GDAP1: variants seen among roughly 807,000 people sequenced by gnomAD.
GDAP1 encodes ganglioside induced differentiation associated protein 1, also known as ganglioside-induced differentiation-associated protein 1.
Under a neutral mutation model 40.1 loss-of-function variants are expected in GDAP1, and 34 were observed. The observed-to-expected ratio is 0.85, with a 90% CI of 0.64 to 1.13. The LOEUF (loss-of-function observed/expected upper bound fraction) is 1.13, where lower values mean the gene tolerates loss of function less well. Among genes scored for constraint, GDAP1 ranks in the 50% most tolerant of loss-of-function variants. The probability of loss-of-function intolerance (pLI) is 0.00; values close to 1 mark genes in which losing one functional copy is unlikely to be tolerated. For missense variants in GDAP1, 374 were observed against 433.7 expected (o/e 0.86, Z 1.22); for synonymous variants, 170 against 157.4 (o/e 1.08, Z -0.60).
chr8:74,350,498 C>T lies in GDAP1; in HGVS notation c.37C>T (p.Pro13Ser), dbSNP rs1240725448. 1 of 1,613,480 alleles carries T rather than the reference C, an allele frequency of 6.2e-7. No homozygotes were observed. The highest frequency in any genetic ancestry group is 8.5e-7 in the Non-Finnish European group (1 of 1,179,560). The change falls in exon 1 of 6, where the codon CCC (proline) becomes TCC (serine). Residue 13 changes from proline to serine, a missense_variant. Transcript: ENST00000220822. Reference protein sequence around the residue: ...ERQEEQRGSPPLRAEGKADAE... With the variant: ...ERQEEQRGSPSLRAEGKADAE... ...GCAGGAAGAGCAGAGAGGGAGCCCG[C>T]CCTTGAGGGCGGAAGGCAAGGCCGA...
At chr8:74,416,909 T>C in intron 2 of GDAP1, among the ~76,000 whole-genome samples, 1 of 133,268 alleles carries the variant, frequency 7.5e-6, no homozygotes, top group East Asian at 2.2e-4. Flanking sequence ...AAAGTTTTTT[T>C]TTTTGTTTTT....
At chr8:74,363,685 T>C (rs1344057812) in intron 5 of GDAP1, among the ~76,000 whole-genome samples, 2 of 152,190 alleles carry the variant, frequency 1.3e-5, no homozygotes, top group Non-Finnish European at 2.9e-5. Context: ...GCTTGGAGGC[T>C]CCCAACCCCT....
At chr8:74,390,171 G>T (rs1179224642) in intron 2 of GDAP1, among the ~76,000 whole-genome samples, 2 of 152,144 alleles carry the variant, frequency 1.3e-5, no homozygotes, top group Non-Finnish European at 2.9e-5. Flanking sequence ...ACCTTCTGAA[G>T]CCTACTTCTG....
chr8:74,388,792 A>G (rs1356185242), intron 2 of GDAP1, among the ~76,000 whole-genome samples: 1 of 152,126 alleles, frequency 6.6e-6, no homozygotes, highest in Non-Finnish European at 1.5e-5. Flanking sequence ...AAAGTCTCTC[A>G]TTATTATTGT....
chr8:74,439,287 GT>G (rs1806131989), intron 2 of GDAP1, among the ~76,000 whole-genome samples: 1 of 151,938 alleles, frequency 6.6e-6, no homozygotes, highest in East Asian at 1.9e-4. Context: ...TTGCCTATCT[GT>G]AGAGGTAAAG....
chr8:74,371,821 T>A (rs1809757898), downstream of GDAP1, among the ~76,000 whole-genome samples: 1 of 152,084 alleles, frequency 6.6e-6, no homozygotes, highest in African/African-American at 2.4e-5. Flanking sequence ...ATGTGCACAA[T>A]GTGCAGGTTT....
intron 2 of GDAP1, among the ~76,000 whole-genome samples, chr8:74,455,045 C>T (rs1210119862): frequency 6.6e-6 from 1 of 151,880 alleles, no homozygotes; most frequent in East Asian, 1.9e-4. Context: ...TACAAATCCA[C>T]ATAGGAGAAG....
In GDAP1 at chr8:74,415,545, C is replaced by T. The variant is rs2131555958; in HGVS notation, c.165+64224C>T. On this transcript the variant is annotated intron_variant, in intron 2 of 2. Coordinates refer to the GDAP1 transcript ENST00000523640. ...TGAGCCAGGCAGAAAACTGTAAGTC[C>T]ACAGAGTGTGAGTGGGGGATAAACT... Among the ~76,000 whole-genome samples the T allele has an allele frequency of 1.3e-5, 2 of 150,158 alleles. 1 individual carries two copies. The highest frequency in any genetic ancestry group is 3.9e-4 in the East Asian group (2 of 5,178).
chr8:74,472,060 C>T (rs1806564059), intron 2 of GDAP1, among the ~76,000 whole-genome samples: 1 of 151,908 alleles, frequency 6.6e-6, no homozygotes, highest in South Asian at 2.1e-4. Flanking sequence ...AGCCTAGTAC[C>T]CAATATTTTT....
rs535724667 is a variant in GDAP1, at chr8:74,400,560, C to T, written c.165+49239C>T. Reference sequence around the variant, plus strand: ...GCATTTAGTCCATTTACATTTAAAGCTAATACTGTTATGTGTGAATTTGAT... The same window carrying T: ...GCATTTAGTCCATTTACATTTAAAGTTAATACTGTTATGTGTGAATTTGAT... On this transcript the variant is annotated intron_variant, in intron 2 of 2. Coordinates refer to the GDAP1 transcript ENST00000523640. Among the ~76,000 whole-genome samples, 34 of 149,962 alleles carry T rather than the reference C, an allele frequency of 2.3e-4. 4 individuals are homozygous for T. The highest frequency in any genetic ancestry group is 8.4e-4 in the African/African-American group (33 of 39,392).
intron 2 of GDAP1, among the ~76,000 whole-genome samples, chr8:74,411,543 A>T (rs1805710031): frequency 6.7e-6 from 1 of 148,492 alleles, no homozygotes; most frequent in South Asian, 2.1e-4. Context: ...ATATATATAT[A>T]TACACACAAC....
intron 2 of GDAP1, among the ~76,000 whole-genome samples, chr8:74,429,502 G>A (rs1003413015): frequency 1.3e-5 from 2 of 152,326 alleles, no homozygotes; most frequent in African/African-American, 4.8e-5. Context: ...CTGGAGGTGG[G>A]AAGTCTGAAA....
intron 2 of GDAP1, among the ~76,000 whole-genome samples, chr8:74,464,961 T>A (rs1806449761): frequency 6.6e-6 from 1 of 152,174 alleles, no homozygotes. Flanking sequence ...GGCTCATGCC[T>A]GTAATCCTAG....
intron 2 of GDAP1, among the ~76,000 whole-genome samples, chr8:74,399,146 C>G (rs548417026): frequency 6.6e-5 from 10 of 152,144 alleles, no homozygotes; most frequent in Admixed American, 5.2e-4. Context: ...CCTTGTACCT[C>G]TGGTTGAATT....
intron 2 of GDAP1, among the ~76,000 whole-genome samples, chr8:74,389,645 T>A (rs1810078192): frequency 6.6e-6 from 1 of 152,212 alleles, no homozygotes; most frequent in African/African-American, 2.4e-5. Context: ...ATCTGATGAT[T>A]ATGTGTCTTG....
chr8:74,466,313 C>G (rs1277837348), intron 2 of GDAP1, among the ~76,000 whole-genome samples: 1 of 152,084 alleles, frequency 6.6e-6, no homozygotes, highest in Non-Finnish European at 1.5e-5. Context: ...AGTTTGGGAA[C>G]CATAGCTTTG....
chr8:74,483,826 T>G (rs1388709851), intron 2 of GDAP1, among the ~76,000 whole-genome samples: 2 of 152,190 alleles, frequency 1.3e-5, no homozygotes, highest in Non-Finnish European at 2.9e-5. Flanking sequence ...AACCAGGATT[T>G]TCTTGAAATG....
chr8:74,483,608 T>C (rs1806740112), intron 2 of GDAP1, among the ~76,000 whole-genome samples: 1 of 152,178 alleles, frequency 6.6e-6, no homozygotes, highest in Non-Finnish European at 1.5e-5. Flanking sequence ...TCTTTAGTTA[T>C]GTGTAAAGAA....
At chr8:74,390,850 G>T (rs979007735) in intron 2 of GDAP1, among the ~76,000 whole-genome samples, 17 of 152,230 alleles carry the variant, frequency 1.1e-4, no homozygotes, top group Non-Finnish European at 1.5e-4. Context: ...CGTTACTGGG[G>T]CTGCTGCCTT....
Sources: allele counts gnomAD v4.1 joint callset (sites outside exome capture counted in the v4.1 genomes callset), GRCh38; gene constraint gnomAD v4.1.1; transcripts MANE v1.5; gene names NCBI Gene and HGNC (gene_info 2026-07-23, HGNC 2026-07-21).